Variants in NRXN1 observed in about 807,000 individuals in gnomAD.
NRXN1 encodes neurexin-1.
In NRXN1, 39 loss-of-function variants were observed where a neutral mutation model predicts 150.9. The ratio of observed to expected loss-of-function variants is 0.26; its 90% confidence interval spans 0.20 to 0.34. The LOEUF (loss-of-function observed/expected upper bound fraction) is 0.34, where lower values mean the gene tolerates loss of function less well. Ranked by LOEUF, NRXN1 falls within the 10% of genes least tolerant of loss-of-function variation. NRXN1 has a pLI of 1.00. For synonymous variants in NRXN1, 924 were observed against 757.0 expected (o/e 1.22, Z -3.62); for missense variants, 1,815 against 1,949.9 (o/e 0.93, Z 1.30).
intron 8 of NRXN1, among the ~76,000 whole-genome samples, chr2:50,572,948 G>T (rs1279938666): frequency 1.3e-5 from 2 of 152,028 alleles, no homozygotes; most frequent in African/African-American, 4.8e-5. Flanking sequence ...GTTCAGTCAG[G>T]ATAACAACTG....
At chr2:50,633,015 TA>T (rs1365186710) in intron 5 of NRXN1, 4 of 152,164 alleles carry the variant, frequency 2.6e-5, no homozygotes, top group Non-Finnish European at 5.9e-5. Context: ...CTCTTCTGGA[TA>T]AATGTAAAGG....
chr2:50,115,250 C>A (rs1702900576), intron 18 of NRXN1, among the ~76,000 whole-genome samples: 1 of 143,090 alleles, frequency 7.0e-6, no homozygotes, highest in African/African-American at 2.6e-5. Context: ...TACACACACA[C>A]ACATATATAT....
At chr2:50,626,774 G>A (rs1480908966) in intron 5 of NRXN1, among the ~76,000 whole-genome samples, 1 of 151,758 alleles carries the variant, frequency 6.6e-6, no homozygotes, top group Non-Finnish European at 1.5e-5. Flanking sequence ...ACAATGCTGG[G>A]TCATCAATAA....
chr2:50,100,591 AT>A (rs1700854658), intron 18 of NRXN1, among the ~76,000 whole-genome samples: 1 of 152,096 alleles, frequency 6.6e-6, no homozygotes, highest in South Asian at 2.1e-4. Context: ...TTCTCAAACC[AT>A]TATGAAGTTC....
At chr2:50,828,942 G>C (rs1670959000) in intron 5 of NRXN1, among the ~76,000 whole-genome samples, 1 of 152,226 alleles carries the variant, frequency 6.6e-6, no homozygotes, top group East Asian at 1.9e-4. Context: ...GGGCACCATT[G>C]AGCACTGAGT....
rs2093099116 is a variant in NRXN1 at position 50,531,292 on chromosome 2, C to G, written c.2282G>C (p.Arg761Thr). Residue 761 changes from arginine (R) to threonine (T), a missense_variant, in exon 11 of 23, where the codon AGA (arginine) becomes ACA (threonine). Transcript: ENST00000401669. ...AYGILMATTS[R>T]DSADTLRLEL... The stretch of plus-strand genomic sequence containing the variant: ...CAGGCGGAGGGTGTCAGCAGAGTCT[C>G]TAGAAGTGGTTGCCATCAGAATGCC... The G allele has an allele frequency of 6.2e-7, 1 of 1,613,512 alleles. No individual in the cohort carries two copies. Among genetic ancestry groups the G allele is most frequent in the African/African-American group, 1.3e-5 (1 of 74,898 alleles).
intron 5 of NRXN1, among the ~76,000 whole-genome samples, chr2:50,642,430 T>C (rs971969145): frequency 2.0e-5 from 3 of 152,136 alleles, no homozygotes; most frequent in South Asian, 2.1e-4. Context: ...GAGTATGATA[T>C]AAAAATGAGT....
intron 19 of NRXN1, among the ~76,000 whole-genome samples, chr2:50,056,730 T>C (rs1381892234): frequency 6.6e-6 from 1 of 152,148 alleles, no homozygotes; most frequent in East Asian, 1.9e-4. Flanking sequence ...TGATTATTGA[T>C]CAATTACATG....
intron 18 of NRXN1, among the ~76,000 whole-genome samples, chr2:50,109,299 T>A (rs951295546): frequency 6.6e-6 from 1 of 152,182 alleles, no homozygotes; most frequent in African/African-American, 2.4e-5. Context: ...CTCATTTAGT[T>A]CATCTTTTTC....
In NRXN1 at chr2:51,027,975, G is replaced by C. The variant is rs2105332169; in HGVS notation, c.299C>G (p.Pro100Arg). The change falls in exon 2 of 23, where the codon CCT becomes CGT. Residue 100 changes from proline (P) to arginine (R), a missense_variant. Around this residue, in one of 6 missense-constraint regions of NRXN1, gnomAD observed 554 missense variants for 478.8 expected, o/e 1.16. Transcript: ENST00000401669. The part of the protein sequence containing the change: ...QLSFSIFCAE[P>R]ATLLADTPVN... ...CGGCGTGTCGGCCAGGAGCGTCGCA[G>C]GCTCAGCGCAGAAGATGGAGAAGCT... 6.2e-7 allele frequency: 1 copy of C among 1,601,854 alleles called. No homozygotes were observed. Among genetic ancestry groups the C allele is most frequent in the Non-Finnish European group, 8.5e-7 (1 of 1,179,384 alleles).
intron 2 of NRXN1, among the ~76,000 whole-genome samples, chr2:50,960,203 G>T (rs1027015513): frequency 5.9e-5 from 9 of 151,966 alleles, no homozygotes; most frequent in African/African-American, 2.2e-4. Flanking sequence ...GCGAGAAAGA[G>T]AACAACAGAT....
chr2:50,549,452 A>T (rs1667108012), intron 9 of NRXN1, among the ~76,000 whole-genome samples: 1 of 152,134 alleles, frequency 6.6e-6, no homozygotes, highest in Non-Finnish European at 1.5e-5. Context: ...CCAATTCACT[A>T]ATCTGAAATT....
chr2:49,933,789 A>T (rs1477545718), intron 22 of NRXN1, among the ~76,000 whole-genome samples: 1 of 152,224 alleles, frequency 6.6e-6, no homozygotes, highest in Non-Finnish European at 1.5e-5. Flanking sequence ...GAAGGTACTG[A>T]ATCAGCAGCT....
At chr2:50,868,844 T>A (rs1440063472) in intron 5 of NRXN1, among the ~76,000 whole-genome samples, 1 of 151,862 alleles carries the variant, frequency 6.6e-6, no homozygotes, top group Non-Finnish European at 1.5e-5. Context: ...AAATTCAAAG[T>A]ATAAATTGTA....
intron 5 of NRXN1, among the ~76,000 whole-genome samples, chr2:50,793,669 G>A (rs1706386872): frequency 6.6e-6 from 1 of 151,990 alleles, no homozygotes; most frequent in African/African-American, 2.4e-5. Flanking sequence ...CTTGGGCAGG[G>A]TAAACAGAAG....
chr2:50,155,139 G>GT (rs1422222714), intron 18 of NRXN1, among the ~76,000 whole-genome samples: 2 of 151,550 alleles, frequency 1.3e-5, no homozygotes, highest in Non-Finnish European at 3.0e-5. Flanking sequence ...TGCGATTCAA[G>GT]TTTTTTACAT....
Position 49,920,778 on chromosome 2 carries a change from T to C in NRXN1, c.*1166A>G, listed in dbSNP as rs1326430136. The C allele has an allele frequency of 4.0e-5, 6 of 151,770 alleles. No individual in the cohort carries two copies. The highest frequency in any genetic ancestry group is 8.8e-5 in the Non-Finnish European group (6 of 67,994). The allele number at this position is 151,770 out of a possible 1,614,324, so 9.4% of individuals were successfully genotyped here. A position where few individuals can be genotyped will look rare whatever the true frequency, so the allele number is the denominator to read the frequency against. On this transcript the variant is annotated 3_prime_UTR_variant, in exon 23 of 23. Coordinates refer to ENST00000401669, the MANE Select transcript of NRXN1 (RefSeq NM_001330078.2). ...GAATGTATGTGGGAATGTGAGTATTTCAGGGAGAAAAGATTATAAGATACA... is the reference window on the plus strand; with the variant it reads ...GAATGTATGTGGGAATGTGAGTATTCCAGGGAGAAAAGATTATAAGATACA...
At position 50,278,276 on chromosome 2, in the gene NRXN1, T is replaced by A. The variant is rs369639576; in HGVS notation, c.3365-41306A>T. On this transcript the variant is annotated intron_variant, in intron 17 of 22. Transcript: ENST00000401669. ...TATATTATATATATTATATATGTAT[T>A]ATATATATAATACATATATAATATA... Among the ~76,000 whole-genome samples, 196 of 60,954 alleles carry A rather than the reference T, an allele frequency of 3.2e-3. 4 individuals carry two copies. The highest frequency in any genetic ancestry group is 0.022 in the South Asian group (54 of 2,510). 40.0% of individuals were successfully genotyped at this position (60,954 alleles called of 152,430 possible). A position where few individuals can be genotyped will look rare whatever the true frequency, so the allele number is the denominator to read the frequency against.
intron 5 of NRXN1, among the ~76,000 whole-genome samples, chr2:50,758,400 T>G (rs1701405649): frequency 6.6e-6 from 1 of 151,894 alleles, no homozygotes; most frequent in South Asian, 2.1e-4. Context: ...CTTAATGCAA[T>G]GAAATTTTAT....
Sources: allele counts gnomAD v4.1 joint callset (sites outside exome capture counted in the v4.1 genomes callset), GRCh38; gene constraint gnomAD v4.1.1; regional missense constraint gnomAD v4.1.1; transcripts MANE v1.5; gene names NCBI Gene and HGNC (gene_info 2026-07-23, HGNC 2026-07-21).